The following AGBL4 variants were observed in gnomAD, a reference collection of about 807,000 sequenced individuals.
AGBL4 encodes AGBL carboxypeptidase 4, also known as cytosolic carboxypeptidase 6.
AGBL4 carries 58 observed loss-of-function variants against 66.4 expected under a neutral mutation model. That is an observed-to-expected ratio of 0.87 (90% CI 0.71 to 1.09). AGBL4 has a LOEUF of 1.09. Among genes scored for constraint, AGBL4 ranks in the 50% least tolerant of loss-of-function variants. The pLI is 0.00. For missense variants in AGBL4, 579 were observed against 631.0 expected, an observed-to-expected ratio of 0.92 and a Z score of 0.88; for synonymous variants, 234 against 222.9, an observed-to-expected ratio of 1.05 and a Z score of -0.44.
intron 9 of AGBL4, among the ~76,000 whole-genome samples, chr1:48,625,460 G>A (rs905815969): frequency 7.9e-5 from 12 of 152,208 alleles, no homozygotes; most frequent in Non-Finnish European, 1.5e-4. Context: ...CCTTAATAGA[G>A]TTACAGTGTG....
intron 4 of AGBL4, among the ~76,000 whole-genome samples, chr1:49,229,085 C>G (rs1049067866): frequency 5.3e-5 from 8 of 152,166 alleles, no homozygotes; most frequent in African/African-American, 1.7e-4. Flanking sequence ...ATTTCCCCAG[C>G]TTGCTAAACT....
chr1:49,749,365 A>G (rs1048386645), intron 2 of AGBL4, among the ~76,000 whole-genome samples: 1 of 152,286 alleles, frequency 6.6e-6, no homozygotes, highest in Non-Finnish European at 1.5e-5. Flanking sequence ...ATTGGTCTAC[A>G]TATCTGTTTT....
intron 3 of AGBL4, among the ~76,000 whole-genome samples, chr1:49,396,012 C>A (rs1022301815): frequency 6.6e-6 from 1 of 151,118 alleles, no homozygotes; most frequent in Non-Finnish European, 1.5e-5. Context: ...ATTGAAGACC[C>A]AGTGTCTACA....
intron 3 of AGBL4, among the ~76,000 whole-genome samples, chr1:49,290,230 A>G (rs190901885): frequency 1.9e-3 from 294 of 152,346 alleles, no homozygotes; most frequent in Non-Finnish European, 3.0e-3. Context: ...ATAAGTCTGC[A>G]GATTGACTAT....
chr1:48,562,007 A>G (rs765054944), intron 11 of AGBL4, among the ~76,000 whole-genome samples: 1 of 152,224 alleles, frequency 6.6e-6, no homozygotes, highest in Non-Finnish European at 1.5e-5. Flanking sequence ...GTAGATATGG[A>G]TATAGACATA....
At chr1:49,373,928 G>A (rs1368146719) in intron 3 of AGBL4, among the ~76,000 whole-genome samples, 1 of 152,078 alleles carries the variant, frequency 6.6e-6, no homozygotes, top group Middle Eastern at 3.2e-3. Context: ...CCTTGCCTCA[G>A]TTCAGATTGT....
At chr1:50,019,263 T>TTCTCTCTC (rs71059571) in intron 1 of AGBL4, among the ~76,000 whole-genome samples, 15 of 83,672 alleles carry the variant, frequency 1.8e-4, no homozygotes, top group Non-Finnish European at 2.2e-4. Context: ...AAAAAAAATA[T>TTCTCTCTC]TCTCTCTCTC....
rs371409438 is a variant in AGBL4, at chr1:48,674,534, G to T, written c.635-11293C>A. On this transcript the variant is annotated intron_variant, in intron 6 of 13. Coordinates refer to ENST00000371839, the MANE Select transcript of AGBL4 (RefSeq NM_032785.4). ...GGTGTTGGGCGCGTTGGGGCGGGGA[G>T]GGGGGGGATGGGTGGGTGAGCATGA... Among the ~76,000 whole-genome samples the T allele has an allele frequency of 1.4e-3, 212 of 151,106 alleles. 1 individual carries two copies. Among genetic ancestry groups the T allele is most frequent in the African/African-American group, 4.9e-3 (203 of 41,182 alleles).
chr1:48,611,743 T>C (rs1413869993), intron 9 of AGBL4, among the ~76,000 whole-genome samples: 1 of 152,224 alleles, frequency 6.6e-6, no homozygotes, highest in South Asian at 2.1e-4. Context: ...AATAAATCTA[T>C]GTGACTGCAA....
chr1:49,247,245 T>G (rs996451241), intron 3 of AGBL4, among the ~76,000 whole-genome samples: 4 of 152,152 alleles, frequency 2.6e-5, no homozygotes, highest in Non-Finnish European at 5.9e-5. Context: ...AATTTTGTTT[T>G]GTTAAAAAGA....
rs1658007478 is a variant in AGBL4, at chr1:49,970,746, C to CACAT, written c.34+53016_34+53017insATGT. 3.8e-5 allele frequency among the ~76,000 whole-genome samples: 3 copies of CACAT among 77,942 alleles called. No individual in the cohort carries two copies. The Admixed American group carries it at 5.5e-4, about 14-fold the overall frequency. 51.1% of individuals were successfully genotyped at this position (77,942 alleles called of 152,430 possible). On this transcript the variant is annotated intron_variant, in intron 1 of 13. Transcript: ENST00000371839. ...ACACACACACACACACACACACACA[C>CACAT]ATACACAAACAAAAAAAAAAAACAG...
At chr1:49,203,175 CTGTAAAA>C (rs1206021373) in intron 4 of AGBL4, among the ~76,000 whole-genome samples, 5 of 151,110 alleles carry the variant, frequency 3.3e-5, no homozygotes, top group Non-Finnish European at 5.9e-5. Flanking sequence ...GTTGGTGGGA[CTGTAAAA>C]TGATATAGCC....
intron 4 of AGBL4, among the ~76,000 whole-genome samples, chr1:49,086,372 A>G (rs1489901072): frequency 6.6e-6 from 1 of 151,118 alleles, no homozygotes; most frequent in Non-Finnish European, 1.5e-5. Flanking sequence ...CTCTTTTCCC[A>G]GGAAAGCAGG....
intron 3 of AGBL4, among the ~76,000 whole-genome samples, chr1:49,565,441 C>G (rs950245091): frequency 6.6e-6 from 1 of 152,112 alleles, no homozygotes; most frequent in African/African-American, 2.4e-5. Flanking sequence ...GTGGCTGGTA[C>G]TGGTTGTTCC....
At chr1:49,315,660 T>C (rs1196215194) in intron 3 of AGBL4, among the ~76,000 whole-genome samples, 1 of 152,128 alleles carries the variant, frequency 6.6e-6, no homozygotes, top group Non-Finnish European at 1.5e-5. Flanking sequence ...TCATTTCTGA[T>C]GAGAGTGCCA....
chr1:48,545,672 A>G (rs1242461974), intron 11 of AGBL4, among the ~76,000 whole-genome samples: 1 of 152,140 alleles, frequency 6.6e-6, no homozygotes, highest in Non-Finnish European at 1.5e-5. Flanking sequence ...TTTCTCAAAA[A>G]TGGCAGGGTA....
intron 4 of AGBL4, among the ~76,000 whole-genome samples, chr1:49,143,411 A>G (rs1246226696): frequency 6.6e-6 from 1 of 152,198 alleles, no homozygotes; most frequent in African/African-American, 2.4e-5. Flanking sequence ...AGTGTCCCTA[A>G]GCACAGCCTT....
intron 6 of AGBL4, among the ~76,000 whole-genome samples, chr1:48,828,777 T>C (rs1337444029): frequency 1.3e-5 from 2 of 152,162 alleles, no homozygotes; most frequent in African/African-American, 4.8e-5. Flanking sequence ...CTCAACTCCC[T>C]TTTTTTCCTC....
chr1:49,890,682 G>A (rs1195885311), intron 1 of AGBL4, among the ~76,000 whole-genome samples: 2 of 152,116 alleles, frequency 1.3e-5, no homozygotes, highest in African/African-American at 4.8e-5. Flanking sequence ...CAATATAACT[G>A]TAGGAAAAAG....
Sources: gnomAD v4.1 joint callset for allele counts (sites outside exome capture counted in the v4.1 genomes callset) on GRCh38, gnomAD v4.1.1 for gene constraint, MANE v1.5 for transcripts, NCBI Gene and HGNC (gene_info 2026-07-23, HGNC 2026-07-21) for gene names.